MAP3K13: variants seen among roughly 807,000 people sequenced by gnomAD.
MAP3K13 encodes the protein leucine zipper-bearing kinase.
Under a neutral mutation model 104.0 loss-of-function variants are expected in MAP3K13, and 52 were observed. That is an observed-to-expected ratio of 0.50 (90% CI 0.40 to 0.63). The LOEUF is 0.63. MAP3K13 is among the 20% of genes least tolerant of loss of function. The pLI is 0.00. For synonymous variants in MAP3K13, 394 were observed against 442.2 expected (o/e 0.89, Z 1.37); for missense variants, 914 against 1,218.5 (o/e 0.75, Z 3.72).
At position 185,437,465 on chromosome 3, in the gene MAP3K13, T is replaced by C; in HGVS notation, c.494T>C (p.Phe165Ser). ...LQQQDTWEVP[F>S]EEISELQWLG... ...TGCCTAGATACTTGGGAAGTGCCATTTGAGGAGATCTCAGAGCTGCAGTGG... is the reference window on the plus strand; with the variant it reads ...TGCCTAGATACTTGGGAAGTGCCATCTGAGGAGATCTCAGAGCTGCAGTGG... The change falls in exon 3 of 14, where the codon TTT becomes TCT. Residue 165 changes from phenylalanine (F) to serine (S), a missense_variant. Coordinates refer to ENST00000265026, the MANE Select transcript of MAP3K13 (RefSeq NM_004721.5). The C allele has an allele frequency of 6.2e-7, 1 of 1,613,608 alleles. No homozygotes were observed. The highest frequency in any genetic ancestry group is 1.7e-5 in the Admixed American group (1 of 59,892).
chr3:185,299,728 G>A lies in MAP3K13; in HGVS notation c.-86+14085G>A. Among the ~76,000 whole-genome samples the A allele has an allele frequency of 4.3e-5, 2 of 46,842 alleles. 1 individual carries two copies. The highest frequency in any genetic ancestry group is 1.2e-4 in the Non-Finnish European group (2 of 17,156). The allele number at this position is 46,842 out of a possible 152,430, so 30.7% of individuals were successfully genotyped here. ...ACTACAGGCGCCCGCCACCGCGCCC[G>A]GCTAATTTTTTGTATTTTTAGTAGA... is the stretch of plus-strand genomic sequence containing the variant. On this transcript the variant is annotated intron_variant, in intron 2 of 14. Transcript: ENST00000424227.
chr3:185,329,313 T>C (rs917898747), intron 2 of MAP3K13: 1 of 696,172 alleles, frequency 1.4e-6, no homozygotes. Context: ...CCTCATGTTC[T>C]TTCCAGTTGC....
chr3:185,315,534 GA>G lies in MAP3K13; in HGVS notation c.-86+29897del, dbSNP rs1721644811. On this transcript the variant is annotated intron_variant, in intron 2 of 14. Coordinates refer to the MAP3K13 transcript ENST00000424227. This position sits in a 1 kb window ranked among gnomAD's most constrained non-coding sequence, Gnocchi z 4.3. ...AACGACTGCATTAGAAAAATCATGG[GA>G]AAAAATATGGAAATACATAATGAAA... Among the ~76,000 whole-genome samples, 2 of 152,084 alleles carry G rather than the reference GA, an allele frequency of 1.3e-5. No homozygotes were observed. Among genetic ancestry groups the G allele is most frequent in the Non-Finnish European group, 2.9e-5 (2 of 68,004 alleles).
chr3:185,470,029 T>C (rs1024271531), intron 10 of MAP3K13, among the ~76,000 whole-genome samples: 5 of 152,116 alleles, frequency 3.3e-5, no homozygotes, highest in Non-Finnish European at 5.9e-5. Flanking sequence ...TCAGAGGCTA[T>C]TGCAGGGGTA....
intron 1 of MAP3K13, among the ~76,000 whole-genome samples, chr3:185,371,620 G>A (rs1724166820): frequency 6.6e-6 from 1 of 152,172 alleles, no homozygotes; most frequent in Non-Finnish European, 1.5e-5. Context: ...AGAATGAATT[G>A]ATTCAAGGTT....
chr3:185,428,032 T>C (rs1430426044), intron 1 of MAP3K13, among the ~76,000 whole-genome samples: 1 of 149,458 alleles, frequency 6.7e-6, no homozygotes, highest in East Asian at 2.0e-4. Flanking sequence ...TGAGCCGAGA[T>C]CGCGCCATTG....
intron 1 of MAP3K13, among the ~76,000 whole-genome samples, chr3:185,413,262 T>G (rs1038189814): frequency 6.6e-6 from 1 of 152,208 alleles, no homozygotes; most frequent in African/African-American, 2.4e-5. Context: ...CAATGTTGGT[T>G]AATCCTTACA....
At chr3:185,406,627 C>G (rs904170597) in intron 1 of MAP3K13, among the ~76,000 whole-genome samples, 1 of 152,120 alleles carries the variant, frequency 6.6e-6, no homozygotes, top group Non-Finnish European at 1.5e-5. Context: ...CTAGATGGTA[C>G]AAAGTATTGT....
chr3:185,484,318 A>T lies in MAP3K13; in HGVS notation c.*1862A>T, dbSNP rs1718620707. ...AGGTACTTCATGGTGCCTTGGCCTT[A>T]AGGAAAAATTTTTTTAGAATTTTAT... is the stretch of plus-strand genomic sequence containing the variant. On this transcript the variant is annotated 3_prime_UTR_variant, in exon 14 of 14. Coordinates refer to ENST00000265026, the MANE Select transcript of MAP3K13 (RefSeq NM_004721.5). 6.6e-6 allele frequency: 1 copy of T among 152,142 alleles called. No homozygotes were observed. Among genetic ancestry groups the T allele is most frequent in the African/African-American group, 2.4e-5 (1 of 41,436 alleles). The allele number at this position is 152,142 out of a possible 1,614,324, so 9.4% of individuals were successfully genotyped here. A position where few individuals can be genotyped will look rare whatever the true frequency, so the allele number is the denominator to read the frequency against.
At chr3:185,386,771 G>C (rs2108764151) in intron 1 of MAP3K13, among the ~76,000 whole-genome samples, 1 of 152,266 alleles carries the variant, frequency 6.6e-6, no homozygotes, top group East Asian at 1.9e-4. Flanking sequence ...GGAGCTGGAG[G>C]CCATTATCTT....
At chr3:185,442,075 G>A (rs1261799705) in intron 3 of MAP3K13, among the ~76,000 whole-genome samples, 1 of 150,980 alleles carries the variant, frequency 6.6e-6, no homozygotes, top group Non-Finnish European at 1.5e-5. Flanking sequence ...GCGTGGTGGT[G>A]CACACCTGTA....
chr3:185,335,100 T>C (rs1033997925), intron 2 of MAP3K13, among the ~76,000 whole-genome samples: 2 of 151,776 alleles, frequency 1.3e-5, no homozygotes, highest in African/African-American at 4.8e-5. Context: ...CTAAAAGCAC[T>C]AACCATAATA....
Position 185,466,972 on chromosome 3 carries a change from C to T in MAP3K13, c.1643+9C>T, listed in dbSNP as rs1717475696. The T allele has an allele frequency of 1.9e-6, 3 of 1,613,764 alleles. No individual in the cohort carries two copies. Among genetic ancestry groups the T allele is most frequent in the East Asian group, 2.2e-5 (1 of 44,892 alleles). On this transcript the variant is annotated intron_variant, in intron 10 of 13. Transcript: ENST00000265026. ...GGGATGCAGACCAAACGGTGAGACA[C>T]CTGTACAAACGCAGTATTCAGATAA...
intron 1 of MAP3K13, among the ~76,000 whole-genome samples, chr3:185,386,603 A>T (rs890951102): frequency 6.6e-5 from 10 of 152,236 alleles, no homozygotes; most frequent in Non-Finnish European, 1.5e-4. Flanking sequence ...ATGCACGCGT[A>T]TGTTCATTGC....
chr3:185,411,465 T>TACC (rs1396250900), intron 1 of MAP3K13, among the ~76,000 whole-genome samples: 1 of 152,222 alleles, frequency 6.6e-6, no homozygotes. Flanking sequence ...TTGCTGGACA[T>TACC]ACCACCTACT....
intron 7 of MAP3K13, among the ~76,000 whole-genome samples, chr3:185,455,422 T>TGA (rs1553808698): frequency 1.9e-4 from 9 of 47,020 alleles, no homozygotes; most frequent in Non-Finnish European, 2.2e-4. Context: ...GAGATATATA[T>TGA]GATATATATG....
chr3:185,463,647 GAGA>G lies in MAP3K13; in HGVS notation c.1380_1382del (p.Glu461del). 1 of 1,610,444 alleles carries G rather than the reference GAGA, an allele frequency of 6.2e-7. No individual in the cohort carries two copies. The highest frequency in any genetic ancestry group is 1.7e-5 in the Admixed American group (1 of 60,000). On this transcript the variant is annotated inframe_deletion, in exon 8 of 14. Transcript: ENST00000265026. ...GATGAAGAACTGATTCGAAGGCGCAGAGAAGAGCTCAGGTCAGCTCATCCCTCC... is the reference window on the plus strand; with the variant it reads ...GATGAAGAACTGATTCGAAGGCGCAGAGAGCTCAGGTCAGCTCATCCCTCC...
At chr3:185,348,336 A>C (rs1273079112) in intron 2 of MAP3K13, among the ~76,000 whole-genome samples, 1 of 152,224 alleles carries the variant, frequency 6.6e-6, no homozygotes, top group Non-Finnish European at 1.5e-5. Context: ...AACTAAAAAC[A>C]CATCTAAGAA....
At chr3:185,479,859 C>T (rs972775691) in intron 12 of MAP3K13, among the ~76,000 whole-genome samples, 47 of 152,220 alleles carry the variant, frequency 3.1e-4, no homozygotes, top group Non-Finnish European at 4.3e-4. Context: ...GTCTTTGCCC[C>T]GCACATGAAT....
Sources: allele counts gnomAD v4.1 joint callset (sites outside exome capture counted in the v4.1 genomes callset), GRCh38; gene constraint gnomAD v4.1.1; non-coding constraint Gnocchi (gnomAD v3.1); transcripts MANE v1.5; gene names NCBI Gene and HGNC (gene_info 2026-07-23, HGNC 2026-07-21).